KDM4B: variants seen among roughly 807,000 people sequenced by gnomAD.
The protein encoded by KDM4B is lysine-specific demethylase 4B.
A neutral mutation model predicts 125.2 loss-of-function variants in KDM4B; 32 were observed. That is an observed-to-expected ratio of 0.26 (90% CI 0.19 to 0.34). The LOEUF (loss-of-function observed/expected upper bound fraction) is 0.34. KDM4B is among the 10% of genes least tolerant of loss of function. The probability of loss-of-function intolerance (pLI) is 1.00; values close to 1 mark genes in which losing one functional copy is unlikely to be tolerated. For missense variants in KDM4B, 1,190 were observed against 1,577.7 expected (o/e 0.75, Z 4.16); for synonymous variants, 721 against 677.9 (o/e 1.06, Z -0.99).
chr19:5,032,912 G>A lies in KDM4B; in HGVS notation c.22G>A (p.Ala8Thr), dbSNP rs900640500. 9 of 1,614,016 alleles carry A rather than the reference G, an allele frequency of 5.6e-6. 1 individual carries two copies. Among genetic ancestry groups the A allele is most frequent in the East Asian group, 2.2e-5 (1 of 44,892 alleles). Residue 8 changes from alanine (A) to threonine (T), a missense_variant, in exon 3 of 23, where the codon GCC (alanine) becomes ACC (threonine). This residue lies in a region of KDM4B where 139 missense variants were observed against 248.3 expected (regional missense o/e 0.56). Transcript: ENST00000159111. ...AGCCATGGGGTCTGAGGACCACGGCGCCCAGAACCCCAGCTGTAAAATCAT... is the reference window on the plus strand; with the variant it reads ...AGCCATGGGGTCTGAGGACCACGGCACCCAGAACCCCAGCTGTAAAATCAT... The part of the protein sequence containing the change: MGSEDHG[A>T]QNPSCKIMTF...
At chr19:5,101,084 T>A (rs921788528) in intron 9 of KDM4B, among the ~76,000 whole-genome samples, 2 of 151,880 alleles carry the variant, frequency 1.3e-5, no homozygotes, top group Non-Finnish European at 2.9e-5. Flanking sequence ...TAGCTGGGCA[T>A]GGCGGTGGGT....
rs1358834221 is a variant in KDM4B at position 5,143,972 on chromosome 19, C to T, written c.2556C>T (p.Cys852=). The change falls in exon 19 of 23, where the codon TGC becomes TGT. Residue 852 remains cysteine (C), a synonymous_variant. Coordinates refer to ENST00000159111, the MANE Select transcript of KDM4B (RefSeq NM_015015.3). ...AIPEQRWKLK[C]VYCRKRMKKV... Reference sequence around the variant, plus strand: ...GCCTGTGTCCCCATCCCCAGAAATGCGTGTACTGCCGGAAGCGGATGAAGA... The same window carrying T: ...GCCTGTGTCCCCATCCCCAGAAATGTGTGTACTGCCGGAAGCGGATGAAGA... The T allele has an allele frequency of 6.3e-6, 10 of 1,579,608 alleles. No individual in the cohort carries two copies. Among genetic ancestry groups the T allele is most frequent in the African/African-American group, 1.3e-5 (1 of 74,276 alleles).
At chr19:5,147,342 G>A (rs975412807) in intron 21 of KDM4B, among the ~76,000 whole-genome samples, 1 of 152,220 alleles carries the variant, frequency 6.6e-6, no homozygotes, top group Admixed American at 6.5e-5. Context: ...CCCCCACCCT[G>A]GTGGCGAAGG....
intron 6 of KDM4B, 148 bp from the exon 7 acceptor site, chr19:5,070,862 C>A: frequency 1.5e-6 from 1 of 684,556 alleles, no homozygotes; most frequent in Non-Finnish European, 2.4e-6. Context: ...CCACCCCCGG[C>A]CATCCCCTCC....
chr19:5,089,114 A>G (rs998454845), intron 9 of KDM4B, among the ~76,000 whole-genome samples: 1 of 152,196 alleles, frequency 6.6e-6, no homozygotes, highest in Non-Finnish European at 1.5e-5. Context: ...TTGATGGCGA[A>G]GATGGTCTCC....
rs548388386 is a variant in KDM4B, at chr19:5,079,305, A to G, written c.780+1835A>G. ...GCCGCAAAGCCTATTCATCATCCCA[A>G]CGCCTTCTAATTGATTGTTGGATAA... On this transcript the variant is annotated intron_variant, in intron 8 of 22. Transcript: ENST00000159111. 8.5e-5 allele frequency: 13 copies of G among 152,198 alleles called. No homozygotes were observed. In the East Asian group the frequency reaches 1.5e-3, roughly 18 times the overall value. The allele number at this position is 152,198 out of a possible 1,614,324, so 9.4% of individuals were successfully genotyped here.
At chr19:5,028,090 C>T (rs1428199137) in intron 2 of KDM4B, among the ~76,000 whole-genome samples, 2 of 152,150 alleles carry the variant, frequency 1.3e-5, no homozygotes, top group Non-Finnish European at 2.9e-5. Flanking sequence ...GATACTCCTG[C>T]CTCAGCTTTT....
chr19:5,125,761 A>G (rs1259837017), intron 11 of KDM4B, among the ~76,000 whole-genome samples: 1 of 151,962 alleles, frequency 6.6e-6, no homozygotes, highest in Non-Finnish European at 1.5e-5. Context: ...AGGGCTCAGG[A>G]CTGGTGCTGC....
At chr19:5,150,634 T>C (rs2039930181) in intron 22 of KDM4B, among the ~76,000 whole-genome samples, 184 bp downstream of exon 22, 1 of 152,116 alleles carries the variant, frequency 6.6e-6, no homozygotes, top group Non-Finnish European at 1.5e-5. Context: ...GACCCTTCCT[T>C]TGCCTTGACT....
chr19:5,123,936 G>A (rs1210631729), intron 11 of KDM4B, among the ~76,000 whole-genome samples: 1 of 151,758 alleles, frequency 6.6e-6, no homozygotes, highest in East Asian at 1.9e-4. Flanking sequence ...AGGGACTGGC[G>A]TGGGACAGGG....
intron 9 of KDM4B, among the ~76,000 whole-genome samples, chr19:5,104,828 G>A (rs543773632): frequency 2.6e-5 from 4 of 152,184 alleles, no homozygotes; most frequent in Non-Finnish European, 5.9e-5. Flanking sequence ...GCAAACCCGG[G>A]AGAACCAGAG....
At chr19:5,096,057 A>G (rs1347042357) in intron 9 of KDM4B, among the ~76,000 whole-genome samples, 1 of 150,920 alleles carries the variant, frequency 6.6e-6, no homozygotes, top group South Asian at 2.1e-4. Context: ...ACTGAGGCGC[A>G]CACAGGGCCG....
At position 5,119,090 on chromosome 19, in the gene KDM4B, G is replaced by GAA. The variant is rs150808006; in HGVS notation, c.1116-558_1116-557dup. On this transcript the variant is annotated intron_variant, in intron 10 of 22. Transcript: ENST00000159111. Reference sequence around the variant, plus strand: ...TGGGGAGTTGAGCAGAAGTCCTAGAGAAAAAACCCGTGAAATTTACATTCT... The same window carrying GAA: ...TGGGGAGTTGAGCAGAAGTCCTAGAGAAAAAAAACCCGTGAAATTTACATTCT... The GAA allele has an allele frequency of 6.2e-6, 9 of 1,444,338 alleles. No individual in the cohort carries two copies. The African/African-American group carries it at 8.5e-5, about 14-fold the overall frequency. The allele number at this position is 1,444,338 out of a possible 1,614,324, so 89.5% of individuals were successfully genotyped here.
chr19:5,082,418 G>A lies in KDM4B; in HGVS notation c.832G>A (p.Ala278Thr), dbSNP rs749269737. The A allele has an allele frequency of 6.2e-7, 1 of 1,613,690 alleles. No individual in the cohort carries two copies. Among genetic ancestry groups the A allele is most frequent in the Non-Finnish European group, 8.5e-7 (1 of 1,179,962 alleles). The change falls in exon 9 of 23, where the codon GCC (alanine) becomes ACC (threonine). Residue 278 changes from alanine (A) to threonine (T), a missense_variant. Ala to Thr is a moderately conservative substitution (Grantham distance 58). Transcript: ENST00000159111. The surrounding 1 kb of genome is among the most constrained non-coding windows in gnomAD (Gnocchi z 5.4). ...FMITFPYGYHAGFNHGFNCAE... is the reference protein window; with the variant it reads ...FMITFPYGYHTGFNHGFNCAE... The stretch of plus-strand genomic sequence containing the variant: ...GATCACATTTCCCTACGGCTACCAC[G>A]CCGGCTTCAATCACGGGTTCAACTG...
chr19:5,143,708 A>G (rs1321351062), intron 18 of KDM4B, among the ~76,000 whole-genome samples: 1 of 152,156 alleles, frequency 6.6e-6, no homozygotes, highest in Non-Finnish European at 1.5e-5. Flanking sequence ...GATCTGTCCC[A>G]GCAGCCAGTG....
chr19:5,085,948 GGGGCTC>G lies in KDM4B; in HGVS notation c.918+3449_918+3454del. Among the ~76,000 whole-genome samples, 5 of 152,300 alleles carry G rather than the reference GGGGCTC, an allele frequency of 3.3e-5. No homozygotes were observed. In the South Asian group the frequency reaches 1.0e-3, roughly 32 times the overall value. ...GGCAGGGAAACGGCCCAGGTCAGGT[GGGGCTC>G]GGGCCTTGTTCAGATCTTGTGTGCA... On this transcript the variant is annotated intron_variant, in intron 9 of 22. Transcript: ENST00000159111.
intron 6 of KDM4B, among the ~76,000 whole-genome samples, chr19:5,053,330 G>A (rs558647902): frequency 2.6e-5 from 4 of 152,250 alleles, no homozygotes; most frequent in South Asian, 2.1e-4. Context: ...AGCCCGATGC[G>A]TGCCTCGCTC....
Position 5,071,875 on chromosome 19 carries a change from G to A in KDM4B, c.676+816G>A, listed in dbSNP as rs2037958719. 3.9e-5 allele frequency among the ~76,000 whole-genome samples: 6 copies of A among 152,234 alleles called. No homozygotes were observed. The South Asian group carries it at 1.2e-3, about 31-fold the overall frequency. On this transcript the variant is annotated intron_variant, in intron 7 of 22. Coordinates refer to ENST00000159111, the MANE Select transcript of KDM4B (RefSeq NM_015015.3). ...TCATGAAAAGACACAGCTGGCTAAAGCAGTTCCTCCCTCCCGCTGGTCCAT... is the reference window on the plus strand; with the variant it reads ...TCATGAAAAGACACAGCTGGCTAAAACAGTTCCTCCCTCCCGCTGGTCCAT...
At chr19:4,999,731 A>T (rs1270271211) in intron 1 of KDM4B, among the ~76,000 whole-genome samples, 1 of 103,724 alleles carries the variant, frequency 9.6e-6, no homozygotes, top group Admixed American at 1.1e-4. Flanking sequence ...CCACCCACCC[A>T]CCCACCTGTC....
Sources: gnomAD v4.1 joint callset for allele counts (sites outside exome capture counted in the v4.1 genomes callset) on GRCh38, gnomAD v4.1.1 for gene constraint, gnomAD v4.1.1 regional missense constraint, Gnocchi (gnomAD v3.1) non-coding constraint, MANE v1.5 for transcripts, NCBI Gene and HGNC (gene_info 2026-07-23, HGNC 2026-07-21) for gene names.